Variants in GCFC2 observed in about 807,000 individuals in gnomAD.
The protein encoded by GCFC2 is GC-rich sequence DNA-binding factor 2.
A neutral mutation model predicts 99.4 loss-of-function variants in GCFC2; 102 were observed. That is an observed-to-expected ratio of 1.03 (90% CI 0.87 to 1.21). The LOEUF (loss-of-function observed/expected upper bound fraction) is 1.21, where lower values mean the gene tolerates loss of function less well. Among genes scored for constraint, GCFC2 ranks in the 50% most tolerant of loss-of-function variants. GCFC2 has a pLI of 0.00. For missense variants in GCFC2, 973 were observed against 920.9 expected, an observed-to-expected ratio of 1.06 and a Z score of -0.73; for synonymous variants, 338 against 316.8, an observed-to-expected ratio of 1.07 and a Z score of -0.71.
In GCFC2 at chr2:75,702,368, G is replaced by A. The variant is rs759520754; in HGVS notation, c.450C>T (p.Ala150=). ...AAGAAATATAGTCATCTTGGGCCCT[G>A]GCCAATTCACGTTTTCTGCGGGCTG... ...IQAARRKREL[A]RAQDDYISLD... is the part of the protein sequence containing the mutation. Residue 150 remains alanine (A), a synonymous_variant, in exon 3 of 17, where the codon GCC becomes GCT. Coordinates refer to ENST00000321027, the MANE Select transcript of GCFC2 (RefSeq NM_003203.5). 45 of 1,611,588 alleles carry A rather than the reference G, an allele frequency of 2.8e-5. No individual in the cohort carries two copies. The highest frequency in any genetic ancestry group is 3.5e-5 in the Non-Finnish European group (41 of 1,177,810).
intron 16 of GCFC2, among the ~76,000 whole-genome samples, chr2:75,665,494 AG>A (rs1275762048): frequency 6.6e-6 from 1 of 152,098 alleles, no homozygotes; most frequent in East Asian, 1.9e-4. Context: ...GGGAGTTAAC[AG>A]GAATACCACT....
At position 75,670,271 on chromosome 2, in the gene GCFC2, A is replaced by G. The variant is rs764021591; in HGVS notation, c.1970T>C (p.Ile657Thr). The change falls in exon 15 of 17, where the codon ATT becomes ACT. Residue 657 changes from isoleucine (I) to threonine (T), a missense_variant. Ile to Thr is a moderately conservative substitution (Grantham distance 89). Transcript: ENST00000321027. The part of the protein sequence containing the change: ...FWSGLKLFRN[I>T]LLWNGLLTDD... Reference sequence around the variant, plus strand: ...TGTAAGGAGTCCATTCCAAAGAAGAATATTGCGGAAGAGCTAAAATAAAAT... The same window carrying G: ...TGTAAGGAGTCCATTCCAAAGAAGAGTATTGCGGAAGAGCTAAAATAAAAT... 2 of 1,602,320 alleles carry G rather than the reference A, an allele frequency of 1.2e-6. No individual in the cohort carries two copies. The highest frequency in any genetic ancestry group is 8.5e-7 in the Non-Finnish European group (1 of 1,169,746).
chr2:75,701,363 AT>A, intron 3 of GCFC2, 76 bp from the exon 4 acceptor site: 1 of 816,584 alleles, frequency 1.2e-6, no homozygotes, highest in Admixed American at 2.0e-5. Context: ...ATTTTTTGAG[AT>A]TATACAAAGG....
intron 12 of GCFC2, among the ~76,000 whole-genome samples, chr2:75,676,242 G>A (rs898555868): frequency 6.6e-6 from 1 of 152,154 alleles, no homozygotes; most frequent in South Asian, 2.1e-4. Context: ...TCTACTAAAT[G>A]GTCCACCAGC....
At chr2:75,686,181 T>G (rs1286819696) in intron 11 of GCFC2, among the ~76,000 whole-genome samples, 1 of 152,180 alleles carries the variant, frequency 6.6e-6, no homozygotes, top group Non-Finnish European at 1.5e-5. Context: ...TAGTTAAAAA[T>G]AGTAACTTTC....
Position 75,665,506 on chromosome 2 carries a change from G to C in GCFC2, c.2228+423C>G, listed in dbSNP as rs573107812. Among the ~76,000 whole-genome samples, 11 of 152,144 alleles carry C rather than the reference G, an allele frequency of 7.2e-5. No homozygotes were observed. In the South Asian group the frequency reaches 2.3e-3, roughly 32 times the overall value. On this transcript the variant is annotated intron_variant, in intron 16 of 16. Transcript: ENST00000321027. The stretch of plus-strand genomic sequence containing the variant: ...AGAGGGAGTTAACAGGAATACCACT[G>C]TATTTAAGCCCCCAAACAGCTGGTG...
upstream of GCFC2, chr2:75,710,993 G>A: frequency 2.2e-6 from 3 of 1,357,976 alleles, no homozygotes; most frequent in Non-Finnish European, 2.8e-6. Context: ...TCTGCTCACC[G>A]CTACTCTGTC....
rs533613852 is a variant in GCFC2, at chr2:75,673,274, C to G, written c.1889+170G>C. On this transcript the variant is annotated intron_variant, in intron 13 of 16. Transcript: ENST00000321027. ...AGTGAGCCGAGATCGCGCCACTGCA[C>G]TCCAGCCTGGGCGACAGAGTGAGAC... 7.9e-5 allele frequency among the ~76,000 whole-genome samples: 12 copies of G among 151,694 alleles called. No individual in the cohort carries two copies. In the East Asian group the frequency reaches 1.9e-3, roughly 25 times the overall value.
At chr2:75,710,016 T>C (rs991206861) in intron 1 of GCFC2, among the ~76,000 whole-genome samples, 1 of 152,192 alleles carries the variant, frequency 6.6e-6, no homozygotes, top group Non-Finnish European at 1.5e-5. Flanking sequence ...CGACACTATA[T>C]CTAACACCAT....
At chr2:75,697,423 T>C (rs962395996) in intron 4 of GCFC2, among the ~76,000 whole-genome samples, 4 of 152,210 alleles carry the variant, frequency 2.6e-5, no homozygotes, top group African/African-American at 9.6e-5. Flanking sequence ...CAATAACCCA[T>C]TCAAATATCA....
chr2:75,694,576 A>C, intron 5 of GCFC2, 149 bp from the exon 6 acceptor site: 1 of 386,766 alleles, frequency 2.6e-6, no homozygotes, highest in African/African-American at 2.1e-5. Flanking sequence ...CCACAATAAA[A>C]GGAAACCCTT....
chr2:75,694,545 A>G, intron 5 of GCFC2, 118 bp from the exon 6 acceptor site: 1 of 418,584 alleles, frequency 2.4e-6, no homozygotes, highest in Non-Finnish European at 4.1e-6. Flanking sequence ...CTGGGTTTAT[A>G]GACTAGATAA....
intron 14 of GCFC2, 25 bp from the exon 15 acceptor site, chr2:75,670,309 T>C (rs1287275163): frequency 5.3e-6 from 8 of 1,513,418 alleles, no homozygotes; most frequent in Middle Eastern, 3.4e-4. Context: ...CAAGTAAATA[T>C]GTACCTTTTC....
At chr2:75,668,205 A>G (rs1016030644) in intron 15 of GCFC2, among the ~76,000 whole-genome samples, 1 of 152,186 alleles carries the variant, frequency 6.6e-6, no homozygotes, top group South Asian at 2.1e-4. Context: ...AAGATTAAAA[A>G]ACTTTCCAAG....
intron 2 of GCFC2, among the ~76,000 whole-genome samples, 189 bp downstream of exon 2, chr2:75,706,334 T>C (rs1305777989): frequency 6.6e-6 from 1 of 152,190 alleles, no homozygotes; most frequent in Non-Finnish European, 1.5e-5. Context: ...ATCCTAGCCC[T>C]GCTACTTATA....
chr2:75,710,408 G>A, intron 1 of GCFC2, 183 bp downstream of exon 1: 1 of 1,342,940 alleles, frequency 7.4e-7, no homozygotes, highest in Non-Finnish European at 9.5e-7. Context: ...GATGCAGATA[G>A]CGGGCAAGTG....
At chr2:75,697,677 T>A (rs1680390124) in intron 4 of GCFC2, 1 of 152,258 alleles carries the variant, frequency 6.6e-6, no homozygotes, top group African/African-American at 2.4e-5. Context: ...ATGTTCATGT[T>A]CATTATATGG....
chr2:75,702,278 A>C lies in GCFC2; in HGVS notation c.540T>G (p.Ser180Arg). ...MKRESEDDPE[S>R]EPDDHEKRIP... The stretch of plus-strand genomic sequence containing the variant: ...TTCTCTTTTCATGGTCATCAGGCTC[A>C]CTCTCAGGGTCATCTTCGCTCTCTC... Residue 180 changes from serine (S) to arginine (R), a missense_variant, in exon 3 of 17, where the codon AGT (serine) becomes AGG (arginine). Transcript: ENST00000321027. 6.2e-7 allele frequency: 1 copy of C among 1,613,516 alleles called. No individual in the cohort carries two copies. Among genetic ancestry groups the C allele is most frequent in the African/African-American group, 1.3e-5 (1 of 75,012 alleles).
chr2:75,706,585 T>A lies in GCFC2; in HGVS notation c.332A>T (p.Asp111Val). ...DKIHHSSESK[D>V]DQGLSSDSSS... Reference sequence around the variant, plus strand: ...ACTGTCAGAAGACAAACCCTGATCATCCTTACTTTCTGAGGAGTGATGTAT... The same window carrying A: ...ACTGTCAGAAGACAAACCCTGATCAACCTTACTTTCTGAGGAGTGATGTAT... The change falls in exon 2 of 17, where the codon GAT becomes GTT. Residue 111 changes from aspartate (D) to valine (V), a missense_variant. Coordinates refer to ENST00000321027, the MANE Select transcript of GCFC2 (RefSeq NM_003203.5). The A allele has an allele frequency of 6.3e-7, 1 of 1,597,930 alleles. No individual in the cohort carries two copies. Among genetic ancestry groups the A allele is most frequent in the Non-Finnish European group, 8.6e-7 (1 of 1,165,370 alleles).
Sources: gnomAD v4.1 joint callset for allele counts (sites outside exome capture counted in the v4.1 genomes callset) on GRCh38, gnomAD v4.1.1 for gene constraint, MANE v1.5 for transcripts, NCBI Gene and HGNC (gene_info 2026-07-23, HGNC 2026-07-21) for gene names.